The following MCHR2 variants were observed in gnomAD, a reference collection of about 807,000 sequenced individuals.
MCHR2 encodes melanin-concentrating hormone receptor 2.
A neutral mutation model predicts 24.8 loss-of-function variants in MCHR2; 15 were observed. That is an observed-to-expected ratio of 0.60 (90% confidence interval 0.40 to 0.93). The LOEUF is 0.93. Ranked by LOEUF, MCHR2 falls within the 40% of genes least tolerant of loss-of-function variation. The probability of loss-of-function intolerance (pLI) is 0.00; values close to 1 mark genes in which losing one functional copy is unlikely to be tolerated. For missense variants in MCHR2, 386 were observed against 408.7 expected (o/e 0.94, Z 0.48); for synonymous variants, 151 against 147.6 (o/e 1.02, Z -0.17).
chr6:99,977,128 C>T (rs1775566520), intron 1 of MCHR2, among the ~76,000 whole-genome samples: 1 of 152,214 alleles, frequency 6.6e-6, no homozygotes, highest in African/African-American at 2.4e-5. Flanking sequence ...TTATCCTACT[C>T]ATTCATGAAT....
chr6:99,970,575 AT>A, intron 1 of MCHR2, among the ~76,000 whole-genome samples: 2 of 152,128 alleles, frequency 1.3e-5, no homozygotes, highest in Middle Eastern at 3.4e-3. Flanking sequence ...ATTAGATCCC[AT>A]TTGTCAATTT....
rs562286486 is a variant in MCHR2 at position 99,994,053 on chromosome 6, T to A, written c.-145A>T. 6.6e-6 allele frequency: 1 copy of A among 152,474 alleles called. No homozygotes were observed. The highest frequency in any genetic ancestry group is 2.1e-4 in the South Asian group (1 of 4,828). The allele number at this position is 152,474 out of a possible 1,614,324, so 9.4% of individuals were successfully genotyped here. Reference sequence around the variant, plus strand: ...AAAACGGCTCTCAGCGGGTCCCAGCTGACGGAAGGTGGGGGAGGAGTGCGA... The same window carrying A: ...AAAACGGCTCTCAGCGGGTCCCAGCAGACGGAAGGTGGGGGAGGAGTGCGA... On this transcript the variant is annotated 5_prime_UTR_variant, in exon 1 of 6. Coordinates refer to ENST00000281806, the MANE Select transcript of MCHR2 (RefSeq NM_001040179.2).
At chr6:99,946,689 A>AAC (rs898015130) in intron 3 of MCHR2, among the ~76,000 whole-genome samples, 57 of 152,052 alleles carry the variant, frequency 3.7e-4, no homozygotes, top group African/African-American at 9.6e-4. Context: ...GACAATAAAT[A>AAC]ACACACACAC....
At chr6:99,945,147 A>C (rs1774851754) in intron 3 of MCHR2, among the ~76,000 whole-genome samples, 1 of 152,142 alleles carries the variant, frequency 6.6e-6, no homozygotes, top group Admixed American at 6.5e-5. Context: ...GGGACTCTTC[A>C]CTTAATGTCT....
intron 1 of MCHR2, among the ~76,000 whole-genome samples, chr6:99,980,607 G>C (rs1413602868): frequency 6.6e-6 from 1 of 151,992 alleles, no homozygotes; most frequent in African/African-American, 2.4e-5. Context: ...GTGAAAGAGA[G>C]GAGAGTGACA....
intron 5 of MCHR2, among the ~76,000 whole-genome samples, chr6:99,931,745 C>G (rs1226550668): frequency 6.6e-6 from 1 of 152,154 alleles, no homozygotes; most frequent in Non-Finnish European, 1.5e-5. Flanking sequence ...TCTGTCACCC[C>G]TTTCTTTGAC....
intron 1 of MCHR2, 28 bp downstream of exon 1, chr6:99,993,908 C>T (rs1775937618): frequency 6.6e-6 from 1 of 151,946 alleles, no homozygotes; most frequent in Admixed American, 6.6e-5. Flanking sequence ...AGAGCCCGGC[C>T]CTCGCGCGGC....
intron 1 of MCHR2, among the ~76,000 whole-genome samples, chr6:99,967,847 A>G (rs1299891882): frequency 6.6e-6 from 1 of 152,108 alleles, no homozygotes; most frequent in Admixed American, 6.6e-5. Context: ...CATTCTATTC[A>G]ACCTCTATTT....
chr6:99,925,773 G>C (rs901367655), intron 5 of MCHR2, among the ~76,000 whole-genome samples: 2 of 149,968 alleles, frequency 1.3e-5, no homozygotes, highest in African/African-American at 4.9e-5. Context: ...GTCTTGAAAA[G>C]TTGTTGTAGT....
intron 1 of MCHR2, among the ~76,000 whole-genome samples, chr6:99,986,743 G>A (rs1310100632): frequency 6.6e-6 from 1 of 151,564 alleles, no homozygotes; most frequent in African/African-American, 2.4e-5. Flanking sequence ...TGGGTGATAG[G>A]TACACTAATA....
chr6:99,952,633 G>T (rs1199250358), intron 2 of MCHR2, among the ~76,000 whole-genome samples: 1 of 152,026 alleles, frequency 6.6e-6, no homozygotes. Context: ...AAAGCATGAT[G>T]AAAACATTAA....
At chr6:99,972,302 G>A (rs1775442846) in intron 1 of MCHR2, among the ~76,000 whole-genome samples, 2 of 152,190 alleles carry the variant, frequency 1.3e-5, no homozygotes, top group Non-Finnish European at 2.9e-5. Context: ...GGGTGTATGT[G>A]TCGAGGAATT....
At chr6:99,923,532 A>G (rs1774285726) in intron 5 of MCHR2, among the ~76,000 whole-genome samples, 1 of 152,058 alleles carries the variant, frequency 6.6e-6, no homozygotes, top group Admixed American at 6.6e-5. Flanking sequence ...GGTGTCTGTC[A>G]TATATGGCTT....
chr6:99,957,807 A>G (rs961628491), intron 1 of MCHR2, among the ~76,000 whole-genome samples: 4 of 152,118 alleles, frequency 2.6e-5, no homozygotes, highest in African/African-American at 9.7e-5. Flanking sequence ...TAAGAACTCT[A>G]CTGGAAAAAT....
intron 5 of MCHR2, among the ~76,000 whole-genome samples, chr6:99,934,164 A>T (rs976864771): frequency 2.0e-5 from 3 of 152,128 alleles, no homozygotes; most frequent in Non-Finnish European, 4.4e-5. Context: ...TGAGTTCCGT[A>T]TGCATTTTAA....
intron 5 of MCHR2, among the ~76,000 whole-genome samples, chr6:99,930,584 C>G (rs916953411): frequency 5.1e-5 from 7 of 137,216 alleles, no homozygotes; most frequent in Non-Finnish European, 1.1e-4. Context: ...TCATTTCATT[C>G]ATTTCATCTT....
chr6:99,993,004 T>C (rs1562139445), intron 1 of MCHR2, among the ~76,000 whole-genome samples: 1 of 152,174 alleles, frequency 6.6e-6, no homozygotes, highest in South Asian at 2.1e-4. Context: ...AAACATTCAT[T>C]GAAAACAGAT....
At chr6:99,931,983 C>A (rs566809294) in intron 5 of MCHR2, among the ~76,000 whole-genome samples, 28 of 152,110 alleles carry the variant, frequency 1.8e-4, no homozygotes, top group Non-Finnish European at 3.4e-4. Context: ...CATCTTGGCT[C>A]CTCCCTCCAT....
At chr6:99,933,673 T>C (rs183673817) in intron 5 of MCHR2, among the ~76,000 whole-genome samples, 157 of 152,228 alleles carry the variant, frequency 1.0e-3, no homozygotes, top group African/African-American at 3.6e-3. Context: ...TGTAAATTTG[T>C]AGTGTGCAGG....
Sources: gnomAD v4.1 joint callset for allele counts (sites outside exome capture counted in the v4.1 genomes callset) on GRCh38, gnomAD v4.1.1 for gene constraint, MANE v1.5 for transcripts, NCBI Gene and HGNC (gene_info 2026-07-23, HGNC 2026-07-21) for gene names.